Variants in SARDH observed in about 807,000 individuals in gnomAD.
SARDH encodes sarcosine dehydrogenase, also known as sarcosine dehydrogenase, mitochondrial.
A neutral mutation model predicts 109.1 loss-of-function variants in SARDH; 95 were observed. The ratio of observed to expected loss-of-function variants is 0.87; its 90% confidence interval spans 0.74 to 1.03. SARDH has a LOEUF of 1.03. Ranked by LOEUF, SARDH falls within the 50% of genes least tolerant of loss-of-function variation. The pLI, the probability that SARDH is intolerant of heterozygous loss-of-function variation, is 0.00. For missense variants in SARDH, 1,267 were observed against 1,287.8 expected (o/e 0.98, Z 0.25); for synonymous variants, 572 against 534.8 (o/e 1.07, Z -0.96).
rs117006139 is a variant in SARDH at position 133,725,544 on chromosome 9, C to T, written c.915+4221G>A. ...AAAAAAAATCAGCCGGGTGTGGTGACGGGCACATTTAATCCCAGCTACATG... is the reference window on the plus strand; with the variant it reads ...AAAAAAAATCAGCCGGGTGTGGTGATGGGCACATTTAATCCCAGCTACATG... On this transcript the variant is annotated intron_variant, in intron 6 of 20. Coordinates refer to ENST00000439388, the MANE Select transcript of SARDH (RefSeq NM_001134707.2). The T allele has an allele frequency of 3.9e-3, 1,724 of 436,536 alleles. 11 individuals carry two copies. The highest frequency in any genetic ancestry group is 6.6e-3 in the Non-Finnish European group (1,432 of 218,138). 27.0% of individuals were successfully genotyped at this position (436,536 alleles called of 1,614,324 possible).
chr9:133,712,743 C>CCCCCCATGT lies in SARDH; in HGVS notation c.1238-35_1238-34insACATGGGGG, dbSNP rs751130056. ...AAGAGAAGCGCAGGGCTGCGGTCTGCCCCCCAGGGTCCCCCACCCATGTCC... is the reference window on the plus strand; with the variant it reads ...AAGAGAAGCGCAGGGCTGCGGTCTGCCCCCCATGTCCCCCAGGGTCCCCCACCCATGTCC... On this transcript the variant is annotated intron_variant, in intron 9 of 20. Coordinates refer to ENST00000439388, the MANE Select transcript of SARDH (RefSeq NM_001134707.2). This position sits in a 1 kb window ranked among gnomAD's most constrained non-coding sequence, Gnocchi z 4.1. The CCCCCCATGT allele has an allele frequency of 1.3e-6, 2 of 1,586,186 alleles. No homozygotes were observed. The highest frequency in any genetic ancestry group is 1.7e-6 in the Non-Finnish European group (2 of 1,165,666).
chr9:133,666,698 G>A lies in SARDH; in HGVS notation c.2631+37C>T, dbSNP rs747272446. ...GCTGGTTTGGAGCTGGTGAGGGATC[G>A]GCATCTGCCTTAGCAGGGCCAGAGA... On this transcript the variant is annotated intron_variant, in intron 20 of 20. Transcript: ENST00000439388. This position sits in a 1 kb window ranked among gnomAD's most constrained non-coding sequence, Gnocchi z 5.2. 3.6e-5 allele frequency: 57 copies of A among 1,562,984 alleles called. No homozygotes were observed. The highest frequency in any genetic ancestry group is 7.2e-5 in the East Asian group (3 of 41,886).
Position 133,692,392 on chromosome 9 carries a change from CA to C in SARDH, c.1921+1865del, listed in dbSNP as rs1269874182. On this transcript the variant is annotated intron_variant, in intron 15 of 20. Coordinates refer to ENST00000439388, the MANE Select transcript of SARDH (RefSeq NM_001134707.2). This position sits in a 1 kb window ranked among gnomAD's most constrained non-coding sequence, Gnocchi z 5.0. ...GGGCTGATGCCTAGCTCCTTACAGGCAACACTCCTCTCAGCTCAGAGATGCC... is the reference window on the plus strand; with the variant it reads ...GGGCTGATGCCTAGCTCCTTACAGGCACACTCCTCTCAGCTCAGAGATGCC... 6.6e-6 allele frequency among the ~76,000 whole-genome samples: 1 copy of C among 152,116 alleles called. No individual in the cohort carries two copies. The highest frequency in any genetic ancestry group is 1.5e-5 in the Non-Finnish European group (1 of 68,004).
At position 133,666,792 on chromosome 9, in the gene SARDH, C is replaced by T. The variant is rs1162419437; in HGVS notation, c.2574G>A (p.Gly858=). 6.2e-7 allele frequency: 1 copy of T among 1,605,548 alleles called. No homozygotes were observed. Among genetic ancestry groups the T allele is most frequent in the Non-Finnish European group, 8.5e-7 (1 of 1,176,332 alleles). ...AGGCGATGGTCTTGTCGATGGCGAA[C>T]CCAAAGTCAGCCCTCCGGACATGGC... ...VVGHVRRADF[G]FAIDKTIAYG... is the part of the protein sequence containing the mutation. The change falls in exon 20 of 21, where the codon GGG becomes GGA. Residue 858 remains glycine, a synonymous_variant. Transcript: ENST00000439388. The surrounding 1 kb of genome is among the most constrained non-coding windows in gnomAD (Gnocchi z 5.2).
chr9:133,672,930 T>C (rs2797838), intron 17 of SARDH, among the ~76,000 whole-genome samples: 85,371 of 152,056 alleles, frequency 0.56, 24,818 homozygotes, highest in East Asian at 0.79. Flanking sequence ...ACACGATGGC[T>C]CAAGCCCTGC....
Position 133,705,050 on chromosome 9 carries a change from C to G in SARDH, c.1471-19G>C, listed in dbSNP as rs755570762. ...GGAGTTCCTGAGCAGGAGTGGGGAACAGGCATCTGTCACGCATGGCCTGAT... is the reference window on the plus strand; with the variant it reads ...GGAGTTCCTGAGCAGGAGTGGGGAAGAGGCATCTGTCACGCATGGCCTGAT... On this transcript the variant is annotated intron_variant, in intron 11 of 20. Coordinates refer to ENST00000439388, the MANE Select transcript of SARDH (RefSeq NM_001134707.2). 2.5e-6 allele frequency: 4 copies of G among 1,576,586 alleles called. No individual in the cohort carries two copies. The African/African-American group carries it at 5.4e-5, about 21-fold the overall frequency.
chr9:133,667,193 GGT>G (rs1491316641), intron 19 of SARDH: 8 of 381,572 alleles, frequency 2.1e-5, no homozygotes, highest in East Asian at 8.8e-5. Flanking sequence ...GTTCAACTCT[GGT>G]TTTTTTTTTT....
rs1554755944 is a variant in SARDH, at chr9:133,712,200, C to G, written c.1328+419G>C. Among the ~76,000 whole-genome samples, 1 of 152,192 alleles carries G rather than the reference C, an allele frequency of 6.6e-6. No homozygotes were observed. The highest frequency in any genetic ancestry group is 1.5e-5 in the Non-Finnish European group (1 of 68,032). ...GCTTGCACTGGGTCTCATTCCTGGC[C>G]GCTTTGTCAGTGTACGATTGAACGG... On this transcript the variant is annotated intron_variant, in intron 10 of 20. Transcript: ENST00000439388. This position sits in a 1 kb window ranked among gnomAD's most constrained non-coding sequence, Gnocchi z 4.1.
chr9:133,701,371 G>A (rs1432538324), intron 13 of SARDH, among the ~76,000 whole-genome samples: 1 of 152,228 alleles, frequency 6.6e-6, no homozygotes, highest in Non-Finnish European at 1.5e-5. Flanking sequence ...TGTCCTTCAG[G>A]ACAGGGCTCC....
Position 133,686,707 on chromosome 9 carries a change from G to A in SARDH, c.2070-1421C>T, listed in dbSNP as rs1188290083. Among the ~76,000 whole-genome samples the A allele has an allele frequency of 6.6e-6, 1 of 152,154 alleles. No individual in the cohort carries two copies. Among genetic ancestry groups the A allele is most frequent in the East Asian group, 1.9e-4 (1 of 5,188 alleles). ...CTGTCCCTCTGGGATCCCAGCAGGT[G>A]TTGAGGCTGCAGGGTGGGCTGTCCA... On this transcript the variant is annotated intron_variant, in intron 16 of 20. Transcript: ENST00000439388. The surrounding 1 kb of genome is among the most constrained non-coding windows in gnomAD (Gnocchi z 4.0).
chr9:133,701,035 C>T (rs1564267760), intron 13 of SARDH, among the ~76,000 whole-genome samples: 1 of 152,234 alleles, frequency 6.6e-6, no homozygotes, highest in Non-Finnish European at 1.5e-5. Flanking sequence ...CATATTACCC[C>T]TCACATACTC....
chr9:133,665,261 C>T lies in SARDH; in HGVS notation c.2632-1247G>A, dbSNP rs566874350. ...TTGGTTATGGACCCATCCCTGACTC[C>T]GGAGAAAGGCGAGCATTACTGTTCT... is the stretch of plus-strand genomic sequence containing the variant. On this transcript the variant is annotated intron_variant, in intron 20 of 20. Transcript: ENST00000439388. 2.6e-5 allele frequency among the ~76,000 whole-genome samples: 4 copies of T among 152,292 alleles called. No individual in the cohort carries two copies. The East Asian group carries it at 5.8e-4, about 22-fold the overall frequency.
At chr9:133,721,343 C>T (rs183691558) in intron 6 of SARDH, among the ~76,000 whole-genome samples, 4 of 152,352 alleles carry the variant, frequency 2.6e-5, no homozygotes, top group Admixed American at 6.5e-5. Flanking sequence ...ATTTTCAACA[C>T]AGAATTCTAG....
At chr9:133,700,399 G>A (rs1428674805) in intron 13 of SARDH, among the ~76,000 whole-genome samples, 2 of 151,618 alleles carry the variant, frequency 1.3e-5, no homozygotes, top group Non-Finnish European at 2.9e-5. Context: ...CACACACTAC[G>A]ACATGAATGT....
At chr9:133,702,501 C>T (rs899693705) in intron 13 of SARDH, among the ~76,000 whole-genome samples, 3 of 152,124 alleles carry the variant, frequency 2.0e-5, no homozygotes, top group Non-Finnish European at 4.4e-5. Context: ...GAGCCTGCGG[C>T]CCCCTTGTCC....
At position 133,669,775 on chromosome 9, in the gene SARDH, C is replaced by T. The variant is rs116608350; in HGVS notation, c.2495+809G>A. On this transcript the variant is annotated intron_variant, in intron 19 of 20. Transcript: ENST00000439388. ...AGTGGGGATGACGGCCCCAGCCGAG[C>T]CCCTCTCCCCCTATCACAGGGCTGT... Among the ~76,000 whole-genome samples, 33 of 152,144 alleles carry T rather than the reference C, an allele frequency of 2.2e-4. 1 individual carries two copies. The highest frequency in any genetic ancestry group is 6.0e-4 in the African/African-American group (25 of 41,520).
At chr9:133,680,629 C>T (rs570083989) in intron 17 of SARDH, among the ~76,000 whole-genome samples, 8 of 152,338 alleles carry the variant, frequency 5.3e-5, no homozygotes, top group Middle Eastern at 3.4e-3. Context: ...GATTCCTGGC[C>T]GCTCCGTCCT....
At chr9:133,689,798 A>C (rs1831027910) in intron 16 of SARDH, among the ~76,000 whole-genome samples, 1 of 151,730 alleles carries the variant, frequency 6.6e-6, no homozygotes, top group Non-Finnish European at 1.5e-5. Context: ...CAAGGTGCAC[A>C]CCTGCTCAGC....
At chr9:133,720,962 A>T (rs1270583449) in intron 6 of SARDH, among the ~76,000 whole-genome samples, 6 of 152,250 alleles carry the variant, frequency 3.9e-5, no homozygotes, top group Admixed American at 3.9e-4. Flanking sequence ...GCCATCATCC[A>T]GCGATTAGGC....
Sources: allele counts gnomAD v4.1 joint callset (sites outside exome capture counted in the v4.1 genomes callset), GRCh38; gene constraint gnomAD v4.1.1; non-coding constraint Gnocchi (gnomAD v3.1); transcripts MANE v1.5; gene names NCBI Gene and HGNC (gene_info 2026-07-23, HGNC 2026-07-21).